The following HECW2 variants were observed in gnomAD, a reference collection of about 807,000 sequenced individuals.
The protein encoded by HECW2 is E3 ubiquitin-protein ligase HECW2.
HECW2 carries 61 observed loss-of-function variants against 175.2 expected under a neutral mutation model. The ratio of observed to expected loss-of-function variants is 0.35; its 90% CI spans 0.28 to 0.43. HECW2 has a LOEUF of 0.43. HECW2 is among the 20% of genes least tolerant of loss of function. HECW2 has a pLI of 1.00. For synonymous variants in HECW2, 671 were observed against 731.0 expected (o/e 0.92, Z 1.32); for missense variants, 1,524 against 2,000.5 (o/e 0.76, Z 4.54).
At chr2:196,402,597 A>G (rs1464413034) in intron 2 of HECW2, among the ~76,000 whole-genome samples, 1 of 152,138 alleles carries the variant, frequency 6.6e-6, no homozygotes, top group African/African-American at 2.4e-5. Flanking sequence ...AGCATATTCA[A>G]TGATATATTT....
chr2:196,235,527 A>T (rs1688213768), intron 21 of HECW2, among the ~76,000 whole-genome samples: 1 of 152,014 alleles, frequency 6.6e-6, no homozygotes, highest in Non-Finnish European at 1.5e-5. Flanking sequence ...CTCTTGACTC[A>T]ACTATTCTAT....
At chr2:196,397,407 A>G (rs914673551) in intron 2 of HECW2, among the ~76,000 whole-genome samples, 3 of 151,838 alleles carry the variant, frequency 2.0e-5, no homozygotes, top group East Asian at 2.0e-4. Flanking sequence ...ATTTTATATC[A>G]TCTCAATGAT....
chr2:196,337,310 G>C (rs1375376110), intron 3 of HECW2, among the ~76,000 whole-genome samples: 3 of 140,584 alleles, frequency 2.1e-5, no homozygotes, highest in African/African-American at 8.8e-5. Flanking sequence ...GACTGCAAGA[G>C]GAGCATTTTT....
chr2:196,291,837 T>C (rs886887212), intron 14 of HECW2: 1 of 152,248 alleles, frequency 6.6e-6, no homozygotes, highest in African/African-American at 2.4e-5. Flanking sequence ...AAACAGTTCA[T>C]GGCTCATAGT....
At chr2:196,358,585 CAAAAAAAAAAAAAAAAAAA>C (rs144181608) in intron 2 of HECW2, among the ~76,000 whole-genome samples, 13 of 67,352 alleles carry the variant, frequency 1.9e-4, no homozygotes, top group Middle Eastern at 0.014. Context: ...GACTCTGTCT[CAAAAAAAAAAAAAAAAAAA>C]AAAAAAAAAA....
intron 2 of HECW2, among the ~76,000 whole-genome samples, chr2:196,359,206 T>C (rs1693495799): frequency 1.3e-5 from 2 of 152,100 alleles, no homozygotes; most frequent in African/African-American, 2.4e-5. Flanking sequence ...TCCCAGCATG[T>C]TAGGAGGCCA....
chr2:196,369,983 T>C (rs963018169), intron 2 of HECW2, among the ~76,000 whole-genome samples: 1 of 151,944 alleles, frequency 6.6e-6, no homozygotes, highest in Non-Finnish European at 1.5e-5. Context: ...AGACCTAGAA[T>C]TGAGGACACC....
At chr2:196,423,507 G>T (rs996989521) in intron 2 of HECW2, among the ~76,000 whole-genome samples, 2 of 152,082 alleles carry the variant, frequency 1.3e-5, no homozygotes, top group African/African-American at 4.8e-5. Flanking sequence ...ATGCATGTCA[G>T]AAAGAAATAT....
At chr2:196,425,138 C>A (rs1169971316) in intron 2 of HECW2, among the ~76,000 whole-genome samples, 1 of 151,318 alleles carries the variant, frequency 6.6e-6, no homozygotes, top group Non-Finnish European at 1.5e-5. Context: ...GCCAAAATGA[C>A]AGCACATCTG....
chr2:196,472,301 T>C (rs1310400188), intron 1 of HECW2, among the ~76,000 whole-genome samples: 1 of 151,112 alleles, frequency 6.6e-6, no homozygotes, highest in Non-Finnish European at 1.5e-5. Flanking sequence ...CTGGCCAACA[T>C]GGAGAAACCC....
intron 1 of HECW2, among the ~76,000 whole-genome samples, chr2:196,437,338 G>A (rs546157517): frequency 7.9e-5 from 12 of 152,054 alleles, no homozygotes; most frequent in Admixed American, 2.0e-4. Context: ...CCAGCCGGGC[G>A]CAGTGGCTCA....
chr2:196,235,752 T>C (rs528582500), intron 21 of HECW2, among the ~76,000 whole-genome samples: 1 of 144,854 alleles, frequency 6.9e-6, no homozygotes, highest in East Asian at 2.3e-4. Flanking sequence ...GCCTCCTGGG[T>C]TCACGCCATT....
At position 196,334,570 on chromosome 2, in the gene HECW2, A is replaced by G. The variant is rs761099276; in HGVS notation, c.401-52T>C. 6 of 1,410,862 alleles carry G rather than the reference A, an allele frequency of 4.3e-6. No individual in the cohort carries two copies. In the East Asian group the frequency reaches 1.2e-4, roughly 29 times the overall value. The allele number at this position is 1,410,862 out of a possible 1,614,324, so 87.4% of individuals were successfully genotyped here. On this transcript the variant is annotated intron_variant, in intron 3 of 28. Transcript: ENST00000644978. ...ATTTAAACAGTGAAACAAGTCATGG[A>G]GGAATCAGCTGTGGAAATCCACCAT...
At chr2:196,484,679 G>A (rs1686944383) in intron 1 of HECW2, among the ~76,000 whole-genome samples, 1 of 152,022 alleles carries the variant, frequency 6.6e-6, no homozygotes, top group African/African-American at 2.4e-5. Context: ...AAGTCTTTTT[G>A]GGTACAACCT....
chr2:196,396,941 C>G (rs1278066250), intron 2 of HECW2, among the ~76,000 whole-genome samples: 1 of 151,830 alleles, frequency 6.6e-6, no homozygotes, highest in African/African-American at 2.4e-5. Flanking sequence ...GAAGCCCCAT[C>G]TCTACTAAAA....
At chr2:196,292,261 C>T (rs1428200503) in intron 14 of HECW2, 2 of 260,890 alleles carry the variant, frequency 7.7e-6, no homozygotes, top group African/African-American at 4.4e-5. Flanking sequence ...GGAAGCACTG[C>T]CTGAGAACCC....
chr2:196,270,080 G>A (rs1689671223), intron 17 of HECW2, among the ~76,000 whole-genome samples: 1 of 152,160 alleles, frequency 6.6e-6, no homozygotes, highest in African/African-American at 2.4e-5. Context: ...CACTGCTGTG[G>A]GCCAGGATGG....
intron 1 of HECW2, among the ~76,000 whole-genome samples, chr2:196,591,748 T>C (rs1196123332): frequency 6.6e-6 from 1 of 152,176 alleles, no homozygotes; most frequent in Non-Finnish European, 1.5e-5. Context: ...TCCCACGCTA[T>C]ATAAACAATC....
intron 2 of HECW2, among the ~76,000 whole-genome samples, chr2:196,395,355 T>TA (rs140812109): frequency 0.16 from 23,795 of 152,056 alleles, 2,077 homozygotes; most frequent in Middle Eastern, 0.25. Flanking sequence ...AAAAAATAGA[T>TA]AAATTGGACT....
Sources: gnomAD v4.1 joint callset for allele counts (sites outside exome capture counted in the v4.1 genomes callset) on GRCh38, gnomAD v4.1.1 for gene constraint, MANE v1.5 for transcripts, NCBI Gene and HGNC (gene_info 2026-07-23, HGNC 2026-07-21) for gene names.